YWHAE: variants seen among roughly 807,000 people sequenced by gnomAD.
YWHAE encodes the protein 14-3-3 protein epsilon.
In YWHAE, 4 loss-of-function variants were observed where a neutral mutation model predicts 30.1. The observed-to-expected ratio is 0.13, with a 90% CI of 0.07 to 0.30. YWHAE has a LOEUF of 0.30. Among genes scored for constraint, YWHAE ranks in the 10% least tolerant of loss-of-function variants. The pLI is 1.00. For missense variants in YWHAE, 121 were observed against 315.9 expected, an observed-to-expected ratio of 0.38 and a Z score of 4.68; for synonymous variants, 118 against 111.8, an observed-to-expected ratio of 1.06 and a Z score of -0.35.
Position 1,365,097 on chromosome 17 carries a change from A to C in YWHAE, c.65-39T>G, listed in dbSNP as rs773499227. 18 of 1,591,340 alleles carry C rather than the reference A, an allele frequency of 1.1e-5. 1 individual carries two copies. The South Asian group carries it at 2.1e-4, about 18-fold the overall frequency. ...GGAAAAGTCAGACCTTACAAATTTG[A>C]AGTTTTCTTAACATATTCCTTTCAA... is the stretch of plus-strand genomic sequence containing the variant. On this transcript the variant is annotated intron_variant, in intron 1 of 5. Coordinates refer to ENST00000264335, the MANE Select transcript of YWHAE (RefSeq NM_006761.5).
intron 1 of YWHAE, among the ~76,000 whole-genome samples, chr17:1,397,614 A>G (rs911507289): frequency 6.6e-6 from 1 of 152,192 alleles, no homozygotes; most frequent in Non-Finnish European, 1.5e-5. Flanking sequence ...CAAGTACCCA[A>G]CAAAGAAATC....
At position 1,355,809 on chromosome 17, in the gene YWHAE, C is replaced by A. The variant is rs529852559; in HGVS notation, c.579-1462G>T. Reference sequence around the variant, plus strand: ...GCACACTTTGGGTGGCTGATGCGTGCGCGCAGATCACTTGAGGCCAGGAGT... The same window carrying A: ...GCACACTTTGGGTGGCTGATGCGTGAGCGCAGATCACTTGAGGCCAGGAGT... On this transcript the variant is annotated intron_variant, in intron 4 of 5. Coordinates refer to ENST00000264335, the MANE Select transcript of YWHAE (RefSeq NM_006761.5). Among the ~76,000 whole-genome samples, 286 of 152,146 alleles carry A rather than the reference C, an allele frequency of 1.9e-3. 1 individual carries two copies. Among genetic ancestry groups the A allele is most frequent in the African/African-American group, 4.9e-3 (203 of 41,516 alleles).
intron 2 of YWHAE, among the ~76,000 whole-genome samples, 177 bp from the exon 3 acceptor site, chr17:1,362,185 T>C (rs1316314048): frequency 1.3e-5 from 2 of 152,074 alleles, no homozygotes; most frequent in Non-Finnish European, 2.9e-5. Context: ...CTCTAGGTTA[T>C]AAAAAGTATC....
In YWHAE at chr17:1,345,091, A is replaced by G. The variant is rs1318297750; in HGVS notation, c.*356T>C. 3.2e-6 allele frequency: 1 copy of G among 312,734 alleles called. No individual in the cohort carries two copies. Among genetic ancestry groups the G allele is most frequent in the African/African-American group, 2.1e-5 (1 of 46,956 alleles). 19.4% of individuals were successfully genotyped at this position (312,734 alleles called of 1,614,324 possible). On this transcript the variant is annotated 3_prime_UTR_variant, in exon 6 of 6. Transcript: ENST00000264335. ...ATTAACCTCTCTCTTAGATGCTTGC[A>G]TCACCTATAAGTCTAATGGCTTTCA...
chr17:1,374,688 G>C (rs2073097671), intron 1 of YWHAE, among the ~76,000 whole-genome samples: 1 of 152,152 alleles, frequency 6.6e-6, no homozygotes. Context: ...TAATAGTGTT[G>C]AACACCTTTT....
intron 1 of YWHAE, among the ~76,000 whole-genome samples, chr17:1,366,900 C>A (rs1033353809): frequency 6.6e-6 from 1 of 152,174 alleles, no homozygotes; most frequent in East Asian, 1.9e-4. Flanking sequence ...TGAGATTGCA[C>A]CACTGCATTC....
intron 4 of YWHAE, among the ~76,000 whole-genome samples, chr17:1,358,165 G>A (rs867061741): frequency 2.6e-5 from 4 of 151,952 alleles, no homozygotes; most frequent in African/African-American, 7.3e-5. Flanking sequence ...AAGGCAAGAG[G>A]ATTACTTGAG....
chr17:1,389,920 T>A (rs896516724), intron 1 of YWHAE, among the ~76,000 whole-genome samples: 1 of 151,992 alleles, frequency 6.6e-6, no homozygotes, highest in Admixed American at 6.6e-5. Flanking sequence ...CTCGGCTCAC[T>A]GCAACCTCCG....
At chr17:1,371,983 C>G (rs1214499523) in intron 1 of YWHAE, among the ~76,000 whole-genome samples, 1 of 152,014 alleles carries the variant, frequency 6.6e-6, no homozygotes, top group Non-Finnish European at 1.5e-5. Flanking sequence ...GGATTACAGG[C>G]GTCTGCCACC....
intron 1 of YWHAE, among the ~76,000 whole-genome samples, chr17:1,368,307 C>T (rs1280296746): frequency 2.0e-5 from 3 of 151,634 alleles, no homozygotes; most frequent in East Asian, 1.9e-4. Flanking sequence ...ACTCGGGAGG[C>T]GGAGGTTGCA....
intron 1 of YWHAE, among the ~76,000 whole-genome samples, chr17:1,375,812 T>C (rs1344089857): frequency 6.6e-6 from 1 of 152,260 alleles, no homozygotes; most frequent in Non-Finnish European, 1.5e-5. Context: ...CCTTGACTTG[T>C]TAACTGAGGT....
intron 5 of YWHAE, chr17:1,352,240 G>A (rs1215321173): frequency 6.6e-6 from 1 of 152,138 alleles, no homozygotes; most frequent in Non-Finnish European, 1.5e-5. Context: ...CTACGTATGT[G>A]AATATCTCAT....
Position 1,365,056 on chromosome 17 carries a change from T to C in YWHAE, c.67A>G (p.Met23Val). Residue 23 changes from methionine (M) to valine (V), a missense_variant and splice_region_variant, in exon 2 of 6, where the codon ATG (methionine) becomes GTG (valine). Met to Val is a conservative substitution (Grantham distance 21). Around this residue, in one of 2 missense-constraint regions of YWHAE, gnomAD observed 99 missense variants for 289.3 expected, o/e 0.34. Coordinates refer to ENST00000264335, the MANE Select transcript of YWHAE (RefSeq NM_006761.5). ...GCTACTTTCTTCATTGACTCCACCA[T>C]TTCTGTATGGGAAAAGGAAAAGTCA... ...LAEQAERYDE[M>V]VESMKKVAGM... The C allele has an allele frequency of 6.2e-7, 1 of 1,613,636 alleles. No homozygotes were observed. Among genetic ancestry groups the C allele is most frequent in the Non-Finnish European group, 8.5e-7 (1 of 1,179,920 alleles).
chr17:1,387,205 A>T (rs975633223), intron 1 of YWHAE, among the ~76,000 whole-genome samples: 2 of 152,180 alleles, frequency 1.3e-5, no homozygotes, highest in African/African-American at 4.8e-5. Context: ...AACAAAAATA[A>T]AAATATTGGG....
chr17:1,375,308 T>G (rs1171482626), intron 1 of YWHAE, among the ~76,000 whole-genome samples: 1 of 152,158 alleles, frequency 6.6e-6, no homozygotes, highest in Non-Finnish European at 1.5e-5. Flanking sequence ...CTAGACTAAC[T>G]ACACCCTTCA....
intron 5 of YWHAE, among the ~76,000 whole-genome samples, chr17:1,348,840 G>A (rs912020321): frequency 1.8e-4 from 28 of 151,874 alleles, no homozygotes; most frequent in African/African-American, 6.0e-4. Context: ...GGGTTAACAC[G>A]GGGAAACCCC....
intron 1 of YWHAE, among the ~76,000 whole-genome samples, chr17:1,384,079 C>T (rs1182127145): frequency 6.6e-6 from 1 of 152,150 alleles, no homozygotes; most frequent in Non-Finnish European, 1.5e-5. Flanking sequence ...TAAGCAGGTG[C>T]CTGTAATCCC....
intron 4 of YWHAE, among the ~76,000 whole-genome samples, chr17:1,356,831 G>A: frequency 6.6e-6 from 1 of 151,312 alleles, no homozygotes; most frequent in East Asian, 1.9e-4. Flanking sequence ...TCAGTCAAGC[G>A]CAGTGAAGCA....
chr17:1,392,567 T>C, intron 1 of YWHAE, among the ~76,000 whole-genome samples: 1 of 152,086 alleles, frequency 6.6e-6, no homozygotes, highest in Non-Finnish European at 1.5e-5. Context: ...TGTCTATATC[T>C]GGCCGGGTGC....
Sources: allele counts gnomAD v4.1 joint callset (sites outside exome capture counted in the v4.1 genomes callset), GRCh38; gene constraint gnomAD v4.1.1; regional missense constraint gnomAD v4.1.1; transcripts MANE v1.5; gene names NCBI Gene and HGNC (gene_info 2026-07-23, HGNC 2026-07-21).